Variants in RPS27 observed in about 807,000 individuals in gnomAD.
RPS27 encodes the protein ribosomal protein S27.
A neutral mutation model predicts 11.8 loss-of-function variants in RPS27; 1 was observed. The observed-to-expected ratio is 0.08, with a 90% CI of 0.03 to 0.40. The LOEUF (loss-of-function observed/expected upper bound fraction) is 0.40, where lower values mean the gene tolerates loss of function less well. Ranked by LOEUF, RPS27 falls within the 10% of genes least tolerant of loss-of-function variation. The pLI, the probability that RPS27 is intolerant of heterozygous loss-of-function variation, is 0.98. For missense variants in RPS27, 44 were observed against 100.1 expected (o/e 0.44, Z 2.39); for synonymous variants, 42 against 33.8 (o/e 1.24, Z -0.84).
Position 153,992,105 on chromosome 1 carries a change from G to A in RPS27, c.*12G>A. On this transcript the variant is annotated 3_prime_UTR_variant, in exon 4 of 4. Transcript: ENST00000651669. ...GGAAGCAGCACTAAAAGCACTCTGA[G>A]TCAAGATGAGTGGGAAACCATCTCA... 1 of 1,604,580 alleles carries A rather than the reference G, an allele frequency of 6.2e-7. No individual in the cohort carries two copies. The highest frequency in any genetic ancestry group is 8.5e-7 in the Non-Finnish European group (1 of 1,173,504).
chr1:153,991,362 C>A lies in RPS27; in HGVS notation c.115+139C>A, dbSNP rs138107939. 117 of 1,511,152 alleles carry A rather than the reference C, an allele frequency of 7.7e-5. 1 individual carries two copies. The East Asian group carries it at 1.4e-3, about 18-fold the overall frequency. The allele number at this position is 1,511,152 out of a possible 1,614,324, so 93.6% of individuals were successfully genotyped here. A position where few individuals can be genotyped will look rare whatever the true frequency, so the allele number is the denominator to read the frequency against. On this transcript the variant is annotated intron_variant, in intron 2 of 3. Transcript: ENST00000651669. ...CCTGTGGAAAATATTTTCCCTGATA[C>A]TCTTAAAATTTGAATGTATGAGACT...
At chr1:153,991,364 C>T (rs2147867031) in intron 2 of RPS27, 141 bp downstream of exon 2, 1 of 1,510,558 alleles carries the variant, frequency 6.6e-7, no homozygotes, top group Middle Eastern at 2.3e-4. Context: ...CCCTGATACT[C>T]TTAAAATTTG....
At chr1:153,991,279 T>C in intron 2 of RPS27, 56 bp downstream of exon 2, 3 of 1,560,814 alleles carry the variant, frequency 1.9e-6, no homozygotes, top group East Asian at 2.4e-5. Context: ...AGTTGGAAAA[T>C]GTTGTAGTGT....
At chr1:153,990,994 C>A in intron 1 of RPS27, 121 bp from the exon 2 acceptor site, 2 of 1,161,594 alleles carry the variant, frequency 1.7e-6, no homozygotes, top group Non-Finnish European at 2.5e-6. Flanking sequence ...GGCGGCCCAG[C>A]TGCGCAGACA....
intron 3 of RPS27, 136 bp downstream of exon 3, chr1:153,991,812 G>C: frequency 1.2e-5 from 8 of 691,088 alleles, no homozygotes; most frequent in African/African-American, 1.8e-5. Context: ...TGTTGGATTT[G>C]GTTGTTTTAA....
intron 2 of RPS27, 120 bp downstream of exon 2, chr1:153,991,343 GAAAATATTTTCC>G (rs1304743031): frequency 4.0e-6 from 6 of 1,517,148 alleles, no homozygotes. Flanking sequence ...TTCGCCTGTG[GAAAATATTTTCC>G]CTGATACTCT....
intron 2 of RPS27, 52 bp from the exon 3 acceptor site, chr1:153,991,514 C>A (rs2633): frequency 2.1e-6 from 3 of 1,418,692 alleles, no homozygotes; most frequent in Non-Finnish European, 3.0e-6. Flanking sequence ...GGCATAAGTG[C>A]AGGAAAGACG....
chr1:153,990,803 G>C lies in RPS27; in HGVS notation c.6+1G>C. 6.2e-7 allele frequency: 1 copy of C among 1,614,232 alleles called. No individual in the cohort carries two copies. Among genetic ancestry groups the C allele is most frequent in the Non-Finnish European group, 8.5e-7 (1 of 1,180,052 alleles). ...GACCTACGCACACGAGAACATGCCT[G>C]TGAGTGCTTTGGTCCAGGTTTCGGC... On this transcript the variant is annotated splice_donor_variant, in intron 1 of 3. Coordinates refer to ENST00000651669, the MANE Select transcript of RPS27 (RefSeq NM_001030.6). LOFTEE classifies it high-confidence loss of function.
At chr1:153,991,451 T>TA in intron 2 of RPS27, 115 bp from the exon 3 acceptor site, 1 of 1,358,028 alleles carries the variant, frequency 7.4e-7, no homozygotes. Context: ...ACATTTCACA[T>TA]ACAACCCCTA....
At chr1:153,991,419 C>G (rs1464138783) in intron 2 of RPS27, 147 bp from the exon 3 acceptor site, 5 of 1,409,014 alleles carry the variant, frequency 3.5e-6, no homozygotes, top group Non-Finnish European at 3.9e-6. Flanking sequence ...AGGAGTGATT[C>G]ATTTCACCGT....
Position 153,991,991 on chromosome 1 carries a change from C to T in RPS27, c.227-74C>T, listed in dbSNP as rs192335762. The T allele has an allele frequency of 8.4e-5, 110 of 1,305,916 alleles. No homozygotes were observed. The East Asian group carries it at 2.3e-3, about 28-fold the overall frequency. The allele number at this position is 1,305,916 out of a possible 1,614,324, so 80.9% of individuals were successfully genotyped here. ...AGCTTTCTGTGGGTGGATCATCATG[C>T]ATCTGCTTTTTTGGGAGAGGTGGGC... On this transcript the variant is annotated intron_variant, in intron 3 of 3. Coordinates refer to ENST00000651669, the MANE Select transcript of RPS27 (RefSeq NM_001030.6).
In RPS27 at chr1:153,991,651, A is replaced by G. The variant is rs1649417274; in HGVS notation, c.201A>G (p.Thr67=). The stretch of plus-strand genomic sequence containing the variant: ...GCTCCACTGTCCTCTGCCAGCCTAC[A>G]GGAGGAAAAGCAAGGCTTACAGAAG... The part of the protein sequence containing the change: ...VGCSTVLCQP[T]GGKARLTEGC... Residue 67 remains threonine (T), a synonymous_variant, in exon 3 of 4, where the codon ACA becomes ACG. Transcript: ENST00000651669. The G allele has an allele frequency of 6.2e-7, 1 of 1,608,960 alleles. No homozygotes were observed. The highest frequency in any genetic ancestry group is 1.3e-5 in the African/African-American group (1 of 74,980).
chr1:153,991,371 T>C, intron 2 of RPS27, 148 bp downstream of exon 2: 1 of 1,508,196 alleles, frequency 6.6e-7, no homozygotes, highest in Non-Finnish European at 8.9e-7. Context: ...ACTCTTAAAA[T>C]TTGAATGTAT....
At chr1:153,991,355 C>T (rs1352139273) in intron 2 of RPS27, 132 bp downstream of exon 2, 4 of 1,513,004 alleles carry the variant, frequency 2.6e-6, no homozygotes, top group Non-Finnish European at 8.8e-7. Context: ...AAATATTTTC[C>T]CTGATACTCT....
intron 1 of RPS27, 114 bp downstream of exon 1, chr1:153,990,916 C>G (rs1043194841): frequency 6.8e-7 from 1 of 1,467,024 alleles, no homozygotes; most frequent in Non-Finnish European, 9.5e-7. Flanking sequence ...CTTCTTAGGA[C>G]ATTAACTCCA....
intron 2 of RPS27, 117 bp downstream of exon 2, chr1:153,991,340 G>A: frequency 6.6e-7 from 1 of 1,518,662 alleles, no homozygotes; most frequent in Non-Finnish European, 8.8e-7. Flanking sequence ...TTCTTCGCCT[G>A]TGGAAAATAT....
rs539301175 is a variant in RPS27, at chr1:153,991,776, T to C, written c.226+100T>C. The C allele has an allele frequency of 2.8e-5, 22 of 777,522 alleles. No individual in the cohort carries two copies. In the South Asian group the frequency reaches 3.6e-4, roughly 13 times the overall value. The allele number at this position is 777,522 out of a possible 1,614,324, so 48.2% of individuals were successfully genotyped here. A position where few individuals can be genotyped will look rare whatever the true frequency, so the allele number is the denominator to read the frequency against. On this transcript the variant is annotated intron_variant, in intron 3 of 3. Transcript: ENST00000651669. Reference sequence around the variant, plus strand: ...GGTCTTAACAGTGACAGGGATCATCTATAATGTAAATTTTTAGACAAGAAG... The same window carrying C: ...GGTCTTAACAGTGACAGGGATCATCCATAATGTAAATTTTTAGACAAGAAG...
chr1:153,991,836 A>C, intron 3 of RPS27, 160 bp downstream of exon 3: 1 of 669,252 alleles, frequency 1.5e-6, no homozygotes, highest in Non-Finnish European at 2.6e-6. Context: ...GATACTACCA[A>C]AAGCTATGTA....
intron 2 of RPS27, 81 bp from the exon 3 acceptor site, chr1:153,991,485 T>C: frequency 3.7e-6 from 5 of 1,353,894 alleles, no homozygotes; most frequent in Admixed American, 3.7e-5. Flanking sequence ...TGGGAAACAA[T>C]GTAATGGATG....
Sources: allele counts gnomAD v4.1 joint callset, GRCh38; gene constraint gnomAD v4.1.1; transcripts MANE v1.5; gene names NCBI Gene and HGNC (gene_info 2026-07-23, HGNC 2026-07-21).